Variants in OSMR observed in about 807,000 individuals in gnomAD.
OSMR encodes the protein oncostatin-M-specific receptor subunit beta.
In OSMR, 81 loss-of-function variants were observed where a neutral mutation model predicts 99.9. The observed-to-expected ratio is 0.81, with a 90% CI of 0.68 to 0.97. The LOEUF (loss-of-function observed/expected upper bound fraction) is 0.97. Ranked by LOEUF, OSMR falls within the 50% of genes least tolerant of loss-of-function variation. OSMR has a pLI of 0.00. For missense variants in OSMR, 1,099 were observed against 1,153.4 expected (o/e 0.95, Z 0.68); for synonymous variants, 406 against 410.4 (o/e 0.99, Z 0.13).
intron 17 of OSMR, 119 bp from the exon 18 acceptor site, chr5:38,932,753 C>G: frequency 6.5e-7 from 1 of 1,537,070 alleles, no homozygotes. Flanking sequence ...TTACTTGTGA[C>G]CAGGAAGAAA....
chr5:38,900,165 T>A (rs1744800510), intron 7 of OSMR, among the ~76,000 whole-genome samples: 1 of 152,186 alleles, frequency 6.6e-6, no homozygotes, highest in Non-Finnish European at 1.5e-5. Flanking sequence ...TCAGCTGAGT[T>A]CAACCTGGTT....
In OSMR at chr5:38,883,904, ATTTGTTACGTTTC is replaced by A. The variant is rs745901872; in HGVS notation, c.498_510del (p.Cys167GlyfsTer25). ...GGTGGAAGAAGGCACCAATGTTACC[ATTTGTTACGTTTC>A]TAGGAACATTCAAAATAATGTATCC... is the stretch of plus-strand genomic sequence containing the variant. On this transcript the variant is annotated frameshift_variant, in exon 5 of 18. Transcript: ENST00000274276. LOFTEE classifies it high-confidence loss of function. The A allele has an allele frequency of 6.2e-7, 1 of 1,613,718 alleles. No homozygotes were observed. The highest frequency in any genetic ancestry group is 1.1e-5 in the South Asian group (1 of 91,064).
Position 38,859,919 on chromosome 5 carries a change from A to C in OSMR, c.-13-9113A>C, listed in dbSNP as rs571855365. Among the ~76,000 whole-genome samples the C allele has an allele frequency of 2.2e-3, 341 of 152,238 alleles. 3 individuals are homozygous for C. Among genetic ancestry groups the C allele is most frequent in the South Asian group, 0.021 (102 of 4,824 alleles). On this transcript the variant is annotated intron_variant, in intron 1 of 17. Transcript: ENST00000274276. ...GTATAGAAACACTACTAGTTTTTCT[A>C]TGTTGATTTTGTATTCTAAAACTTT... is the stretch of plus-strand genomic sequence containing the variant.
At chr5:38,887,121 T>G (rs1743833824) in intron 7 of OSMR, among the ~76,000 whole-genome samples, 1 of 152,202 alleles carries the variant, frequency 6.6e-6, no homozygotes, top group Non-Finnish European at 1.5e-5. Context: ...CATTTTTTGT[T>G]GGTAAGAATA....
chr5:38,880,082 G>C (rs776080415), intron 3 of OSMR, among the ~76,000 whole-genome samples: 7 of 152,172 alleles, frequency 4.6e-5, no homozygotes, highest in South Asian at 2.1e-4. Context: ...TGCAGAGAGT[G>C]AGAAAGGAAG....
intron 2 of OSMR, among the ~76,000 whole-genome samples, chr5:38,875,438 G>A (rs1231386428): frequency 1.3e-5 from 2 of 152,326 alleles, no homozygotes; most frequent in Non-Finnish European, 2.9e-5. Flanking sequence ...GGCGCCATTG[G>A]TGGTTTATGC....
chr5:38,919,554 C>A, intron 11 of OSMR: 1 of 333,574 alleles, frequency 3.0e-6, no homozygotes, highest in South Asian at 2.5e-5. Context: ...TAATAACTGG[C>A]TAATCTCTTG....
rs547290246 is a variant in OSMR, at chr5:38,882,412, TA to T, written c.418+653del. 4.6e-3 allele frequency among the ~76,000 whole-genome samples: 694 copies of T among 152,258 alleles called. 4 individuals are homozygous for T. Among genetic ancestry groups the T allele is most frequent in the African/African-American group, 0.016 (648 of 41,550 alleles). The stretch of plus-strand genomic sequence containing the variant: ...AAACATGGTGAAATCCTGTCTCTAC[TA>T]AAAATATAAAAATTAGCTGGGCATG... On this transcript the variant is annotated intron_variant, in intron 4 of 17. Coordinates refer to ENST00000274276, the MANE Select transcript of OSMR (RefSeq NM_003999.3).
chr5:38,939,234 C>CT, downstream of OSMR: 1 of 232,968 alleles, frequency 4.3e-6, no homozygotes, highest in Non-Finnish European at 8.5e-6. Flanking sequence ...CTGCTGAACA[C>CT]TTGGCCGTTG....
intron 1 of OSMR, among the ~76,000 whole-genome samples, chr5:38,859,863 T>G (rs1741138911): frequency 6.6e-6 from 1 of 152,204 alleles, no homozygotes; most frequent in East Asian, 1.9e-4. Flanking sequence ...ATTGCTTTCT[T>G]GATATCTTTT....
chr5:38,903,048 G>A (rs887186340), intron 7 of OSMR, among the ~76,000 whole-genome samples: 1 of 152,022 alleles, frequency 6.6e-6, no homozygotes, highest in African/African-American at 2.4e-5. Context: ...TATGAGATAG[G>A]GTATTGCCCC....
chr5:38,917,237 C>T (rs1745956888), intron 9 of OSMR, among the ~76,000 whole-genome samples: 1 of 152,232 alleles, frequency 6.6e-6, no homozygotes, highest in Non-Finnish European at 1.5e-5. Context: ...GGAAATTTAC[C>T]TAACTCATCT....
intron 13 of OSMR, among the ~76,000 whole-genome samples, 174 bp downstream of exon 13, chr5:38,923,428 A>G (rs1488434848): frequency 6.6e-6 from 1 of 152,196 alleles, no homozygotes; most frequent in Non-Finnish European, 1.5e-5. Flanking sequence ...AAACATTTTC[A>G]TTAATTCTCA....
At chr5:38,908,695 C>T (rs968312439) in intron 9 of OSMR, among the ~76,000 whole-genome samples, 12 of 152,168 alleles carry the variant, frequency 7.9e-5, no homozygotes, top group Non-Finnish European at 1.3e-4. Context: ...ACCCAGTCAA[C>T]TGAACCCATC....
intron 7 of OSMR, among the ~76,000 whole-genome samples, chr5:38,899,625 G>T (rs1368498820): frequency 6.6e-6 from 1 of 152,120 alleles, no homozygotes; most frequent in Admixed American, 6.5e-5. Flanking sequence ...GCAGGTTATG[G>T]GTCCTGCTCG....
At position 38,933,395 on chromosome 5, in the gene OSMR, G is replaced by C. The variant is rs1386884305; in HGVS notation, c.2891G>C (p.Ser964Thr). ...RLALPPPTEN[S>T]SLSSITLLDP... Reference sequence around the variant, plus strand: ...GCCTTGCCTCCCCCGACCGAGAATAGCAGCCTCTCCTCAATTACCCTTTTA... The same window carrying C: ...GCCTTGCCTCCCCCGACCGAGAATACCAGCCTCTCCTCAATTACCCTTTTA... The change falls in exon 18 of 18, where the codon AGC becomes ACC. Residue 964 changes from serine (S) to threonine (T), a missense_variant. Coordinates refer to ENST00000274276, the MANE Select transcript of OSMR (RefSeq NM_003999.3). The C allele has an allele frequency of 6.2e-7, 1 of 1,614,066 alleles. No homozygotes were observed. The highest frequency in any genetic ancestry group is 1.1e-5 in the South Asian group (1 of 91,064).
intron 1 of OSMR, among the ~76,000 whole-genome samples, chr5:38,857,476 G>A (rs1740943550): frequency 6.6e-6 from 1 of 151,976 alleles, no homozygotes; most frequent in African/African-American, 2.4e-5. Context: ...ATATTCAGTT[G>A]TAATACAAAC....
At chr5:38,872,804 T>TGG (rs1000779835) in intron 2 of OSMR, among the ~76,000 whole-genome samples, 1 of 152,154 alleles carries the variant, frequency 6.6e-6, no homozygotes, top group African/African-American at 2.4e-5. Context: ...AATCATAAAA[T>TGG]GGGGTACATG....
intron 1 of OSMR, among the ~76,000 whole-genome samples, chr5:38,868,473 CCGG>C (rs1742114251): frequency 6.6e-6 from 1 of 152,108 alleles, no homozygotes; most frequent in Non-Finnish European, 1.5e-5. Context: ...ATCATCAGGG[CCGG>C]TCTTTTCTGT....
Sources: gnomAD v4.1 joint callset for allele counts (sites outside exome capture counted in the v4.1 genomes callset) on GRCh38, gnomAD v4.1.1 for gene constraint, MANE v1.5 for transcripts, NCBI Gene and HGNC (gene_info 2026-07-23, HGNC 2026-07-21) for gene names.